CNGA1: variants seen among roughly 807,000 people sequenced by gnomAD.
The protein encoded by CNGA1 is cyclic nucleotide-gated channel alpha-1.
A neutral mutation model predicts 69.7 loss-of-function variants in CNGA1; 53 were observed. The ratio of observed to expected loss-of-function variants is 0.76; its 90% confidence interval spans 0.61 to 0.96. The LOEUF (loss-of-function observed/expected upper bound fraction) is 0.96, where lower values mean the gene tolerates loss of function less well. Among genes scored for constraint, CNGA1 ranks in the 40% least tolerant of loss-of-function variants. CNGA1 has a pLI of 0.00. For synonymous variants in CNGA1, 249 were observed against 283.5 expected, an observed-to-expected ratio of 0.88 and a Z score of 1.22; for missense variants, 739 against 811.2, an observed-to-expected ratio of 0.91 and a Z score of 1.08.
chr4:47,937,880 T>G (rs765076221), intron 10 of CNGA1, 51 bp from the exon 11 acceptor site: 3 of 1,356,840 alleles, frequency 2.2e-6, no homozygotes, highest in Admixed American at 3.5e-5. Flanking sequence ...TATGTCATTG[T>G]GAATTTTTGT....
intron 2 of CNGA1, among the ~76,000 whole-genome samples, chr4:48,005,126 T>TATTTATG (rs1560314949): frequency 1.3e-5 from 2 of 151,424 alleles, no homozygotes; most frequent in Non-Finnish European, 2.9e-5. Context: ...ATTTATTTAT[T>TATTTATG]TATTTATTTG....
chr4:47,986,056 G>A (rs1022207659), intron 2 of CNGA1, among the ~76,000 whole-genome samples: 1 of 152,170 alleles, frequency 6.6e-6, no homozygotes, highest in African/African-American at 2.4e-5. Flanking sequence ...TATTGCTGAG[G>A]GCTTAACTGT....
Position 48,016,546 on chromosome 4 carries a change from T to A in CNGA1, c.-286A>T. 1 of 468,802 alleles carries A rather than the reference T, an allele frequency of 2.1e-6. No individual in the cohort carries two copies. The highest frequency in any genetic ancestry group is 3.7e-6 in the Non-Finnish European group (1 of 266,828). 29.0% of individuals were successfully genotyped at this position (468,802 alleles called of 1,614,324 possible). On this transcript the variant is annotated 5_prime_UTR_variant, in exon 1 of 11. Transcript: ENST00000514170. Reference sequence around the variant, plus strand: ...ATGAGGCGTGTCTGTGTTTCTCTAGTTCGCGGCTCCAGCAGTCGCGCCAAG... The same window carrying A: ...ATGAGGCGTGTCTGTGTTTCTCTAGATCGCGGCTCCAGCAGTCGCGCCAAG...
At chr4:47,956,636 T>G (rs778951628) in intron 3 of CNGA1, among the ~76,000 whole-genome samples, 3 of 152,132 alleles carry the variant, frequency 2.0e-5, no homozygotes, top group Non-Finnish European at 4.4e-5. Flanking sequence ...CTTTTCCTGA[T>G]TTTAGATACA....
chr4:47,983,148 G>A (rs573811027), intron 2 of CNGA1, among the ~76,000 whole-genome samples: 2 of 152,284 alleles, frequency 1.3e-5, no homozygotes, highest in South Asian at 2.1e-4. Context: ...TCTGTGATTA[G>A]TGTTTACTTA....
At chr4:47,958,955 C>G (rs1228267434) in intron 3 of CNGA1, 1 of 152,092 alleles carries the variant, frequency 6.6e-6, no homozygotes, top group African/African-American at 2.4e-5. Flanking sequence ...GTTAAAGCTA[C>G]AAATAAATTT....
chr4:47,939,515 A>G (rs1346095095), intron 10 of CNGA1, among the ~76,000 whole-genome samples: 3 of 152,220 alleles, frequency 2.0e-5, no homozygotes, highest in African/African-American at 7.2e-5. Context: ...TACTAGACCC[A>G]CAAGGGAGCT....
At chr4:47,992,432 A>C (rs1742307942) in intron 2 of CNGA1, among the ~76,000 whole-genome samples, 1 of 147,210 alleles carries the variant, frequency 6.8e-6, no homozygotes, top group African/African-American at 2.6e-5. Context: ...CAGCTATTGT[A>C]AAAAAAAGTT....
chr4:47,997,935 C>T (rs980111522), intron 2 of CNGA1, among the ~76,000 whole-genome samples: 8 of 152,096 alleles, frequency 5.3e-5, no homozygotes, highest in South Asian at 2.1e-4. Context: ...CATTTAATAC[C>T]CCAATACACC....
Position 47,936,719 on chromosome 4 carries a change from T to G in CNGA1, c.1763A>C (p.Lys588Thr), listed in dbSNP as rs752892318. The G allele has an allele frequency of 1.2e-6, 2 of 1,614,202 alleles. No individual in the cohort carries two copies. The highest frequency in any genetic ancestry group is 1.7e-6 in the Non-Finnish European group (2 of 1,180,042). Residue 588 changes from lysine (K) to threonine (T), a missense_variant, in exon 11 of 11, where the codon AAA becomes ACA. By Grantham distance (78) the Lys-to-Thr change is moderately conservative. Coordinates refer to ENST00000514170, the MANE Select transcript of CNGA1 (RefSeq NM_001379270.1). ...MEALTEYPDA[K>T]TMLEEKGKQI... ...CTTCCCTTTCTCTTCCAGCATAGTTTTGGCATCTGGGTACTCAGTTAGAGC... is the reference window on the plus strand; with the variant it reads ...CTTCCCTTTCTCTTCCAGCATAGTTGTGGCATCTGGGTACTCAGTTAGAGC...
At chr4:47,990,389 C>T (rs1742205438) in intron 2 of CNGA1, among the ~76,000 whole-genome samples, 2 of 152,030 alleles carry the variant, frequency 1.3e-5, no homozygotes, top group Non-Finnish European at 2.9e-5. Context: ...CTGAAATACG[C>T]CCTGGTCTCT....
chr4:48,014,954 C>T (rs1271352801), intron 1 of CNGA1, among the ~76,000 whole-genome samples: 2 of 151,954 alleles, frequency 1.3e-5, no homozygotes, highest in African/African-American at 4.8e-5. Context: ...AGGCGGATCA[C>T]GAGGTCAGGA....
chr4:48,001,456 A>G (rs1350304217), intron 2 of CNGA1, among the ~76,000 whole-genome samples: 1 of 152,196 alleles, frequency 6.6e-6, no homozygotes, highest in African/African-American at 2.4e-5. Context: ...GTGACAGAGC[A>G]AGACTCTGTT....
intron 9 of CNGA1, among the ~76,000 whole-genome samples, chr4:47,941,766 G>A (rs1034547223): frequency 7.2e-5 from 11 of 151,916 alleles, no homozygotes; most frequent in African/African-American, 1.7e-4. Flanking sequence ...ATGTACCCCC[G>A]AACGTCAAAT....
chr4:47,986,586 T>C (rs1255863831), intron 2 of CNGA1, among the ~76,000 whole-genome samples: 1 of 152,088 alleles, frequency 6.6e-6, no homozygotes, highest in Non-Finnish European at 1.5e-5. Context: ...AAAATAATAA[T>C]CCTTCATAAA....
chr4:48,003,643 C>A (rs1215264100), intron 2 of CNGA1, among the ~76,000 whole-genome samples: 1 of 152,040 alleles, frequency 6.6e-6, no homozygotes, highest in East Asian at 1.9e-4. Flanking sequence ...TATAACAACC[C>A]TCGCTCTATA....
At chr4:47,964,482 T>A (rs1413533424) in intron 3 of CNGA1, among the ~76,000 whole-genome samples, 1 of 152,044 alleles carries the variant, frequency 6.6e-6, no homozygotes, top group East Asian at 1.9e-4. Flanking sequence ...ATAGAAATTA[T>A]AAACAGAAAA....
At chr4:47,953,894 G>A (rs1363888702) in intron 3 of CNGA1, among the ~76,000 whole-genome samples, 1 of 148,882 alleles carries the variant, frequency 6.7e-6, no homozygotes, top group Non-Finnish European at 1.5e-5. Flanking sequence ...TCCACACTCG[G>A]GCCTTATGCC....
intron 3 of CNGA1, among the ~76,000 whole-genome samples, chr4:47,964,889 A>G (rs902087143): frequency 6.6e-6 from 1 of 151,294 alleles, no homozygotes; most frequent in Admixed American, 6.6e-5. Flanking sequence ...ATGTATATTA[A>G]CTCTTTACTT....
Sources: allele counts gnomAD v4.1 joint callset (sites outside exome capture counted in the v4.1 genomes callset), GRCh38; gene constraint gnomAD v4.1.1; transcripts MANE v1.5; gene names NCBI Gene and HGNC (gene_info 2026-07-23, HGNC 2026-07-21).